The following FHIT variants were observed in gnomAD, a reference collection of about 807,000 sequenced individuals.
The protein encoded by FHIT is fragile histidine triad diadenosine triphosphatase.
In FHIT, 19 loss-of-function variants were observed where a neutral mutation model predicts 17.9. That is an observed-to-expected ratio of 1.06 (90% CI 0.74 to 1.56). The LOEUF (loss-of-function observed/expected upper bound fraction) is 1.56, where lower values mean the gene tolerates loss of function less well. Among genes scored for constraint, FHIT ranks in the 40% most tolerant of loss-of-function variants. The pLI is 0.00. For missense variants in FHIT, 248 were observed against 189.2 expected, an observed-to-expected ratio of 1.31 and a Z score of -1.82; for synonymous variants, 81 against 69.7, an observed-to-expected ratio of 1.16 and a Z score of -0.81.
At chr3:60,554,997 G>C (rs78281729) in intron 4 of FHIT, among the ~76,000 whole-genome samples, 2,399 of 152,154 alleles carry the variant, frequency 0.016, 58 homozygotes, top group African/African-American at 0.054. Context: ...AATATCTAAC[G>C]GTGTTATTCA....
chr3:60,002,990 G>T (rs1699785858), intron 7 of FHIT, among the ~76,000 whole-genome samples: 1 of 152,134 alleles, frequency 6.6e-6, no homozygotes, highest in South Asian at 2.1e-4. Context: ...AAAATAGGAG[G>T]CATGAGAACT....
At chr3:59,828,215 T>C (rs940672770) in intron 8 of FHIT, among the ~76,000 whole-genome samples, 4 of 152,240 alleles carry the variant, frequency 2.6e-5, no homozygotes, top group African/African-American at 9.6e-5. Flanking sequence ...TCCTTTTTTC[T>C]ATCTTCATAG....
At chr3:60,481,736 G>C (rs11924551) in intron 5 of FHIT, among the ~76,000 whole-genome samples, 12,592 of 152,122 alleles carry the variant, frequency 0.083, 753 homozygotes, top group African/African-American at 0.17. Flanking sequence ...AAAATATAAA[G>C]AACAATGGCA....
At chr3:59,990,574 T>G (rs1340190291) in intron 7 of FHIT, among the ~76,000 whole-genome samples, 1 of 151,986 alleles carries the variant, frequency 6.6e-6, no homozygotes, top group Non-Finnish European at 1.5e-5. Context: ...ATTAGGGCAT[T>G]TTATCTTTGT....
chr3:61,200,998 TCTGA>T (rs2038995383), intron 1 of FHIT, among the ~76,000 whole-genome samples: 1 of 151,944 alleles, frequency 6.6e-6, no homozygotes, highest in Non-Finnish European at 1.5e-5. Context: ...ACATACTCAG[TCTGA>T]CTAAGCATTT....
At chr3:60,052,233 C>T (rs1205142266) in intron 5 of FHIT, among the ~76,000 whole-genome samples, 2 of 152,134 alleles carry the variant, frequency 1.3e-5, no homozygotes, top group Admixed American at 6.6e-5. Context: ...AAACAAGCAA[C>T]AGCATTAATT....
At position 60,778,472 on chromosome 3, in the gene FHIT, G is replaced by A. The variant is rs868960149; in HGVS notation, c.-18+43447C>T. Among the ~76,000 whole-genome samples the A allele has an allele frequency of 2.0e-5, 3 of 152,216 alleles. No individual in the cohort carries two copies. In the South Asian group the frequency reaches 6.2e-4, roughly 32 times the overall value. ...TGATTATCAAGCAAAACAAGAGTTA[G>A]CCAAATGGACTGAACTCAGGAAGCT... On this transcript the variant is annotated intron_variant, in intron 4 of 9. Transcript: ENST00000492590.
intron 2 of FHIT, among the ~76,000 whole-genome samples, chr3:61,070,269 T>A (rs935678271): frequency 1.3e-5 from 2 of 152,138 alleles, no homozygotes; most frequent in Admixed American, 1.3e-4. Flanking sequence ...TGTGAAAGAA[T>A]GAATAAATTT....
At chr3:60,557,944 G>A (rs1407797605) in intron 4 of FHIT, among the ~76,000 whole-genome samples, 2 of 151,926 alleles carry the variant, frequency 1.3e-5, no homozygotes, top group Non-Finnish European at 2.9e-5. Context: ...TGGTTTCATT[G>A]CAAAAATGAG....
At chr3:60,442,311 G>C (rs1229699568) in intron 5 of FHIT, among the ~76,000 whole-genome samples, 1 of 152,070 alleles carries the variant, frequency 6.6e-6, no homozygotes, top group East Asian at 1.9e-4. Flanking sequence ...ACTTCTGGTG[G>C]TGGGAAGATG....
At chr3:60,817,951 C>CT (rs199502754) in intron 4 of FHIT, among the ~76,000 whole-genome samples, 1 of 151,854 alleles carries the variant, frequency 6.6e-6, no homozygotes, top group Admixed American at 6.6e-5. Context: ...CATTTTAAGT[C>CT]TTTTTTTCTG....
chr3:60,427,418 C>T (rs1330275964), intron 5 of FHIT, among the ~76,000 whole-genome samples: 1 of 152,106 alleles, frequency 6.6e-6, no homozygotes, highest in African/African-American at 2.4e-5. Context: ...CCTTCCAGGA[C>T]CTTTAGCTGA....
At chr3:59,794,711 G>C (rs1699707265) in intron 8 of FHIT, among the ~76,000 whole-genome samples, 1 of 152,172 alleles carries the variant, frequency 6.6e-6, no homozygotes, top group African/African-American at 2.4e-5. Context: ...TTTATTTATA[G>C]TATCTCATTA....
At chr3:60,850,189 T>A (rs782415682) in intron 3 of FHIT, among the ~76,000 whole-genome samples, 3 of 152,076 alleles carry the variant, frequency 2.0e-5, no homozygotes, top group Non-Finnish European at 4.4e-5. Context: ...AGAGAGGCCT[T>A]CGCTGACTAT....
At chr3:60,555,697 G>T (rs968012674) in intron 4 of FHIT, among the ~76,000 whole-genome samples, 1 of 152,174 alleles carries the variant, frequency 6.6e-6, no homozygotes, top group East Asian at 1.9e-4. Flanking sequence ...TCACCATTTG[G>T]AATTTCAGAA....
intron 5 of FHIT, among the ~76,000 whole-genome samples, chr3:60,291,971 A>T (rs183588011): frequency 6.6e-6 from 1 of 152,110 alleles, no homozygotes; most frequent in African/African-American, 2.4e-5. Context: ...GGCCTCCAGA[A>T]CTGTGAGATG....
At chr3:60,083,328 G>A (rs186987591) in intron 5 of FHIT, among the ~76,000 whole-genome samples, 2 of 152,070 alleles carry the variant, frequency 1.3e-5, no homozygotes, top group African/African-American at 2.4e-5. Flanking sequence ...CTGTTTTCAC[G>A]CCAGTACCAT....
rs566524898 is a variant in FHIT at position 61,160,396 on chromosome 3, A to T, written c.-164+40221T>A. On this transcript the variant is annotated intron_variant, in intron 2 of 9. Transcript: ENST00000492590. ...GTATTTGTTTCTTTGTAAAGATAGG[A>T]CGTTGGAAATTTTCACTTAGATTAC... Among the ~76,000 whole-genome samples, 79 of 152,314 alleles carry T rather than the reference A, an allele frequency of 5.2e-4. No individual in the cohort carries two copies. The Middle Eastern group carries it at 0.01, about 20-fold the overall frequency.
intron 4 of FHIT, among the ~76,000 whole-genome samples, chr3:60,634,042 A>G (rs782197256): frequency 2.6e-5 from 4 of 152,168 alleles, no homozygotes; most frequent in Non-Finnish European, 4.4e-5. Context: ...AAATCACTGG[A>G]CTTTGAGTAA....
Sources: gnomAD v4.1 joint callset for allele counts (sites outside exome capture counted in the v4.1 genomes callset) on GRCh38, gnomAD v4.1.1 for gene constraint, MANE v1.5 for transcripts, NCBI Gene and HGNC (gene_info 2026-07-23, HGNC 2026-07-21) for gene names.